ARB2A: variants seen among roughly 807,000 people sequenced by gnomAD.
The protein encoded by ARB2A is cotranscriptional regulator ARB2A.
At chr5:93,853,547 G>A in the ARB2A span, among the ~76,000 whole-genome samples, 1 of 152,108 alleles carries the variant, frequency 6.6e-6, no homozygotes, top group Non-Finnish European at 1.5e-5. Flanking sequence ...GTTTTCCAAG[G>A]GAATGCTTCC....
the ARB2A span, among the ~76,000 whole-genome samples, chr5:93,919,282 A>C: frequency 3.3e-5 from 5 of 152,108 alleles, no homozygotes. Flanking sequence ...AAGATTTGGT[A>C]ATTATCTCTT....
chr5:94,051,434 A>G, the ARB2A span, among the ~76,000 whole-genome samples: 1 of 152,218 alleles, frequency 6.6e-6, no homozygotes, highest in Non-Finnish European at 1.5e-5. Context: ...GGTTCAGGCT[A>G]TCAAATCACA....
At chr5:94,047,010 A>C in the ARB2A span, among the ~76,000 whole-genome samples, 244 of 152,342 alleles carry the variant, frequency 1.6e-3, 1 homozygote, top group African/African-American at 5.3e-3. Context: ...ATGACATAAG[A>C]AGCATGATGG....
At chr5:94,038,607 GT>G in the ARB2A span, among the ~76,000 whole-genome samples, 1 of 151,984 alleles carries the variant, frequency 6.6e-6, no homozygotes, top group Non-Finnish European at 1.5e-5. Context: ...TGACATCTCA[GT>G]TTATTTTACT....
the ARB2A span, among the ~76,000 whole-genome samples, chr5:94,016,012 A>G: frequency 2.0e-5 from 3 of 152,312 alleles, no homozygotes; most frequent in South Asian, 6.2e-4. Context: ...TGGGTAAGAA[A>G]CAAGACCCAA....
chr5:93,973,592 G>A, the ARB2A span, among the ~76,000 whole-genome samples: 2 of 152,068 alleles, frequency 1.3e-5, no homozygotes, highest in African/African-American at 4.8e-5. Context: ...TATACAAGAT[G>A]ACCTTCCCCA....
chr5:94,085,577 GCTGAAGAAGTCT>G, the ARB2A span, among the ~76,000 whole-genome samples: 1 of 152,320 alleles, frequency 6.6e-6, no homozygotes, highest in African/African-American at 2.4e-5. Context: ...CAAGCGGAAA[GCTGAAGAAGTCT>G]CACCATCATT....
the ARB2A span, among the ~76,000 whole-genome samples, chr5:93,791,821 G>A: frequency 7.2e-5 from 11 of 152,042 alleles, no homozygotes; most frequent in East Asian, 3.8e-4. Context: ...TATTGCAGGC[G>A]GCCAGAAGAG....
chr5:93,882,744 A>C, the ARB2A span, among the ~76,000 whole-genome samples: 3 of 151,378 alleles, frequency 2.0e-5, no homozygotes, highest in Non-Finnish European at 4.4e-5. Context: ...GTAAAATACT[A>C]TAAGGTCATA....
At chr5:94,029,769 A>C in the ARB2A span, among the ~76,000 whole-genome samples, 2 of 152,200 alleles carry the variant, frequency 1.3e-5, no homozygotes, top group Non-Finnish European at 2.9e-5. Flanking sequence ...ATATCCTTTC[A>C]CCTAAAGGAA....
the ARB2A span, among the ~76,000 whole-genome samples, chr5:93,772,802 G>A: frequency 6.6e-6 from 1 of 152,154 alleles, no homozygotes; most frequent in African/African-American, 2.4e-5. Flanking sequence ...CTCTCCACAG[G>A]GCAGCTTACA....
At chr5:94,019,805 T>C in the ARB2A span, among the ~76,000 whole-genome samples, 1 of 152,208 alleles carries the variant, frequency 6.6e-6, no homozygotes, top group African/African-American at 2.4e-5. Context: ...GGATTATAAA[T>C]CATTCTACTA....
chr5:93,797,406 A>G, the ARB2A span, among the ~76,000 whole-genome samples: 1 of 152,288 alleles, frequency 6.6e-6, no homozygotes, highest in East Asian at 1.9e-4. Context: ...TAATTCAAAC[A>G]GCAAAATTCT....
chr5:93,950,202 G>T, the ARB2A span, among the ~76,000 whole-genome samples: 1 of 152,126 alleles, frequency 6.6e-6, no homozygotes, highest in African/African-American at 2.4e-5. Flanking sequence ...TTGATAAACT[G>T]ATTTCCATCC....
the ARB2A span, among the ~76,000 whole-genome samples, chr5:94,039,199 G>A: frequency 6.6e-6 from 1 of 152,182 alleles, no homozygotes; most frequent in Non-Finnish European, 1.5e-5. Flanking sequence ...AGTGTCAGAG[G>A]TGTTTGAACC....
the ARB2A span, among the ~76,000 whole-genome samples, chr5:93,673,390 TTCTC>T: frequency 6.6e-6 from 1 of 152,148 alleles, no homozygotes; most frequent in Non-Finnish European, 1.5e-5. Flanking sequence ...TCTTTTTTTT[TTCTC>T]TCTCTTTCTT....
chr5:94,079,429 C>A, the ARB2A span, among the ~76,000 whole-genome samples: 2 of 152,134 alleles, frequency 1.3e-5, no homozygotes, highest in South Asian at 4.1e-4. Flanking sequence ...GCATTGTGGG[C>A]TTTGAAAAGC....
the ARB2A span, among the ~76,000 whole-genome samples, chr5:93,751,529 T>C: frequency 3.3e-5 from 5 of 152,200 alleles, no homozygotes; most frequent in Non-Finnish European, 5.9e-5. Flanking sequence ...AAAAAGACTA[T>C]ATTTTAAGAA....
the ARB2A span, among the ~76,000 whole-genome samples, chr5:94,024,604 T>C: frequency 6.6e-6 from 1 of 151,938 alleles, no homozygotes; most frequent in Non-Finnish European, 1.5e-5. Flanking sequence ...TAGAACGATA[T>C]ATTAAACACT....
Sources: allele counts gnomAD v4.1 joint callset (sites outside exome capture counted in the v4.1 genomes callset), GRCh38; gene constraint gnomAD v4.1.1; transcripts MANE v1.5; gene names NCBI Gene and HGNC (gene_info 2026-07-23, HGNC 2026-07-21).